Variants in GNA12 observed in about 807,000 individuals in gnomAD.
The protein encoded by GNA12 is G protein subunit alpha 12, also known as guanine nucleotide-binding protein subunit alpha-12.
A neutral mutation model predicts 26.0 loss-of-function variants in GNA12; 9 were observed. The observed-to-expected ratio is 0.35, with a 90% CI of 0.21 to 0.60. GNA12 has a LOEUF of 0.60. GNA12 is among the 20% of genes least tolerant of loss of function. The pLI, the probability that GNA12 is intolerant of heterozygous loss-of-function variation, is 0.78. For missense variants in GNA12, 405 were observed against 525.8 expected, an observed-to-expected ratio of 0.77 and a Z score of 2.25; for synonymous variants, 264 against 219.6, an observed-to-expected ratio of 1.20 and a Z score of -1.79.
chr7:2,762,490 G>C, intron 2 of GNA12: 1 of 773,458 alleles, frequency 1.3e-6, no homozygotes, highest in South Asian at 2.4e-5. Flanking sequence ...TGCGGGGCCT[G>C]AGGTGTGAGT....
chr7:2,802,281 T>C (rs1792829670), intron 1 of GNA12, among the ~76,000 whole-genome samples: 1 of 151,472 alleles, frequency 6.6e-6, no homozygotes, highest in African/African-American at 2.4e-5. Flanking sequence ...CAATACAATG[T>C]CACACTTCAA....
Position 2,784,632 on chromosome 7 carries a change from A to G in GNA12, c.525+10296T>C, listed in dbSNP as rs182595786. On this transcript the variant is annotated intron_variant, in intron 2 of 3. Coordinates refer to ENST00000275364, the MANE Select transcript of GNA12 (RefSeq NM_007353.3). ...CACTCCCAACCTAGCTGACAAAGCT[A>G]TTTCACCATGACTTTAATTTATGTT... is the stretch of plus-strand genomic sequence containing the variant. 1.3e-3 allele frequency among the ~76,000 whole-genome samples: 195 copies of G among 152,326 alleles called. 1 individual carries two copies. Among genetic ancestry groups the G allele is most frequent in the African/African-American group, 3.9e-3 (164 of 41,570 alleles).
intron 2 of GNA12, among the ~76,000 whole-genome samples, chr7:2,780,075 T>C (rs1324043534): frequency 7.4e-6 from 1 of 134,668 alleles, no homozygotes; most frequent in Non-Finnish European, 1.6e-5. Context: ...TATATATATA[T>C]ATATATATAT....
intron 2 of GNA12, among the ~76,000 whole-genome samples, chr7:2,745,300 A>G (rs1157874096): frequency 2.0e-5 from 3 of 152,264 alleles, no homozygotes; most frequent in Non-Finnish European, 4.4e-5. Flanking sequence ...AGGGAAGCCC[A>G]TCAGACTAAC....
intron 2 of GNA12, among the ~76,000 whole-genome samples, chr7:2,783,597 G>A (rs1792283421): frequency 6.6e-6 from 1 of 152,016 alleles, no homozygotes; most frequent in African/African-American, 2.4e-5. Flanking sequence ...GCTCTTGTAA[G>A]GTTTCGCCTG....
intron 2 of GNA12, among the ~76,000 whole-genome samples, chr7:2,746,250 A>C (rs1790757830): frequency 6.6e-6 from 1 of 152,208 alleles, no homozygotes; most frequent in African/African-American, 2.4e-5. Context: ...CCTATTCCAA[A>C]ATTGACCACT....
chr7:2,799,954 A>G (rs1792769052), intron 1 of GNA12, among the ~76,000 whole-genome samples: 1 of 152,214 alleles, frequency 6.6e-6, no homozygotes, highest in Non-Finnish European at 1.5e-5. Context: ...GGCACAAACT[A>G]GAAAACAGTT....
At chr7:2,739,863 G>A (rs1583216513) in intron 2 of GNA12, among the ~76,000 whole-genome samples, 1 of 152,054 alleles carries the variant, frequency 6.6e-6, no homozygotes, top group African/African-American at 2.4e-5. Context: ...GTAGAGACGG[G>A]GGTTTCACCG....
intron 2 of GNA12, among the ~76,000 whole-genome samples, chr7:2,790,602 G>A (rs1333284215): frequency 6.6e-6 from 1 of 152,022 alleles, no homozygotes; most frequent in Non-Finnish European, 1.5e-5. Flanking sequence ...TCACATTCAG[G>A]TCAGGATCCA....
chr7:2,758,455 C>G (rs749400409), intron 2 of GNA12, among the ~76,000 whole-genome samples: 1 of 152,190 alleles, frequency 6.6e-6, no homozygotes, highest in Non-Finnish European at 1.5e-5. Flanking sequence ...GGTTCTAAGA[C>G]GAGCCTCAAT....
In GNA12 at chr7:2,732,178, T is replaced by C. The variant is rs1789930526; in HGVS notation, c.577-428A>G. Among the ~76,000 whole-genome samples the C allele has an allele frequency of 2.0e-5, 3 of 152,224 alleles. No homozygotes were observed. In the South Asian group the frequency reaches 6.2e-4, roughly 32 times the overall value. On this transcript the variant is annotated intron_variant, in intron 3 of 3. Transcript: ENST00000275364. ...TAAATTCAATCTGCAATACATTTAA[T>C]GTTATTCTTAGACAATTCTTTAAGT... is the stretch of plus-strand genomic sequence containing the variant.
chr7:2,795,022 G>A lies in GNA12; in HGVS notation c.431C>T (p.Pro144Leu), dbSNP rs778866783. 10 of 1,614,122 alleles carry A rather than the reference G, an allele frequency of 6.2e-6. No homozygotes were observed. The highest frequency in any genetic ancestry group is 2.2e-5 in the East Asian group (1 of 44,894). Reference protein sequence around the residue: ...FENKAGLPVEPATFQLYVPAL... With the variant: ...FENKAGLPVELATFQLYVPAL... The stretch of plus-strand genomic sequence containing the variant: ...CGGGACGTACAGCTGGAAGGTGGCC[G>A]GCTCCACAGGCAGCCCCGCCTTGTT... Residue 144 changes from proline to leucine, a missense_variant, in exon 2 of 4, where the codon CCG becomes CTG. Transcript: ENST00000275364.
At chr7:2,786,331 A>T (rs1013624887) in intron 2 of GNA12, among the ~76,000 whole-genome samples, 3 of 152,216 alleles carry the variant, frequency 2.0e-5, no homozygotes, top group Admixed American at 2.0e-4. Context: ...TGAAAAAAAG[A>T]AAAGGGAGTT....
At chr7:2,754,883 G>C (rs1374640869) in intron 2 of GNA12, among the ~76,000 whole-genome samples, 1 of 152,210 alleles carries the variant, frequency 6.6e-6, no homozygotes, top group Non-Finnish European at 1.5e-5. Context: ...GCCCCAAGGA[G>C]TTTCTACTGT....
At chr7:2,746,084 C>A (rs1379343052) in intron 2 of GNA12, among the ~76,000 whole-genome samples, 1 of 152,126 alleles carries the variant, frequency 6.6e-6, no homozygotes, top group Non-Finnish European at 1.5e-5. Flanking sequence ...GACTTTAACA[C>A]CCCACTGTCA....
intron 2 of GNA12, among the ~76,000 whole-genome samples, chr7:2,789,370 C>T (rs1031309869): frequency 2.8e-5 from 4 of 143,764 alleles, no homozygotes; most frequent in African/African-American, 5.5e-5. Context: ...CTCCTGACCT[C>T]GTGATCCGCC....
chr7:2,754,682 G>A (rs770698121), intron 2 of GNA12, among the ~76,000 whole-genome samples: 4 of 152,088 alleles, frequency 2.6e-5, no homozygotes, highest in African/African-American at 4.8e-5. Flanking sequence ...CCAGGAGACT[G>A]AGGCTGCAGT....
chr7:2,751,356 A>G (rs1401670280), intron 2 of GNA12, among the ~76,000 whole-genome samples: 1 of 151,840 alleles, frequency 6.6e-6, no homozygotes, highest in African/African-American at 2.4e-5. Context: ...GCACCACTGC[A>G]ATCCAGTATA....
chr7:2,736,276 C>G (rs1037018414), intron 2 of GNA12, among the ~76,000 whole-genome samples: 1 of 152,306 alleles, frequency 6.6e-6, no homozygotes, highest in South Asian at 2.1e-4. Flanking sequence ...TGCGGTCACA[C>G]GATCTAGAAA....
Sources: allele counts gnomAD v4.1 joint callset (sites outside exome capture counted in the v4.1 genomes callset), GRCh38; gene constraint gnomAD v4.1.1; transcripts MANE v1.5; gene names NCBI Gene and HGNC (gene_info 2026-07-23, HGNC 2026-07-21).